KANK1: variants seen among roughly 807,000 people sequenced by gnomAD.
KANK1 encodes the protein KN motif and ankyrin repeat domain-containing protein 1.
A neutral mutation model predicts 106.2 loss-of-function variants in KANK1; 109 were observed. The ratio of observed to expected loss-of-function variants is 1.03; its 90% CI spans 0.88 to 1.20. The LOEUF is 1.20. Among genes scored for constraint, KANK1 ranks in the 50% most tolerant of loss-of-function variants. KANK1 has a pLI of 0.00. For missense variants in KANK1, 2,399 were observed against 1,710.7 expected, an observed-to-expected ratio of 1.40 and a Z score of -7.10; for synonymous variants, 873 against 652.2, an observed-to-expected ratio of 1.34 and a Z score of -5.16.
In KANK1 at chr9:703,500, A is replaced by T. The variant is rs1467859167; in HGVS notation, c.38-7304A>T. On this transcript the variant is annotated intron_variant, in intron 2 of 11. Coordinates refer to ENST00000382297, the MANE Select transcript of KANK1 (RefSeq NM_015158.5). ...AGAGGTGGTGCCAGGAGCAGTCTCC[A>T]CCACTGGATTTCCAGACATTCAAAA... is the stretch of plus-strand genomic sequence containing the variant. 2.6e-5 allele frequency among the ~76,000 whole-genome samples: 4 copies of T among 152,142 alleles called. No individual in the cohort carries two copies. In the East Asian group the frequency reaches 7.7e-4, roughly 29 times the overall value.
intron 1 of KANK1, among the ~76,000 whole-genome samples, chr9:508,560 G>A (rs1246014948): frequency 6.8e-6 from 1 of 146,244 alleles, no homozygotes; most frequent in Non-Finnish European, 1.5e-5. Flanking sequence ...CTATACTCTT[G>A]TCCAATCACT....
At chr9:713,578 A>C in intron 3 of KANK1, 114 bp downstream of exon 3, 1 of 1,124,656 alleles carries the variant, frequency 8.9e-7, no homozygotes, top group South Asian at 1.7e-5. Context: ...AAATGGAGAA[A>C]GTTTTAGAGT....
intron 1 of KANK1, among the ~76,000 whole-genome samples, chr9:661,535 T>C (rs576491348): frequency 2.8e-4 from 42 of 152,276 alleles, no homozygotes; most frequent in Middle Eastern, 3.4e-3. Context: ...TGATGGGCAT[T>C]TGGGTTGGTT....
Position 711,942 on chromosome 9 carries a change from C to G in KANK1, c.1176C>G (p.Leu392=). The G allele has an allele frequency of 6.2e-7, 1 of 1,614,164 alleles. No homozygotes were observed. ...GCAGCTGTGAGGCCTCCTCAGAGCT[C>G]AGGGAGAATGGAGAGTGCCGGTCTG... is the stretch of plus-strand genomic sequence containing the variant. The part of the protein sequence containing the change: ...QDSSCEASSE[L]RENGECRSVA... The change falls in exon 3 of 12, where the codon CTC becomes CTG. Residue 392 remains leucine (L), a synonymous_variant. Coordinates refer to ENST00000382297, the MANE Select transcript of KANK1 (RefSeq NM_015158.5).
intron 1 of KANK1, among the ~76,000 whole-genome samples, chr9:531,029 A>G (rs556603187): frequency 8.5e-5 from 13 of 152,294 alleles, no homozygotes; most frequent in South Asian, 4.1e-4. Flanking sequence ...ATGTAACTCA[A>G]AGAATGTTTA....
At chr9:636,154 T>A (rs746986011) in intron 1 of KANK1, among the ~76,000 whole-genome samples, 1 of 152,216 alleles carries the variant, frequency 6.6e-6, no homozygotes, top group African/African-American at 2.4e-5. Context: ...TCAGTTTCAG[T>A]TGGCCTGGGT....
chr9:653,633 G>T (rs368582723), intron 1 of KANK1, among the ~76,000 whole-genome samples: 84 of 152,250 alleles, frequency 5.5e-4, no homozygotes, highest in Non-Finnish European at 7.9e-4. Context: ...CAAGAGCCCT[G>T]TAAAGCCTGT....
At chr9:704,341 C>T (rs1165162108) in intron 2 of KANK1, among the ~76,000 whole-genome samples, 1 of 152,222 alleles carries the variant, frequency 6.6e-6, no homozygotes, top group African/African-American at 2.4e-5. Context: ...CATCGTTCCT[C>T]CACCCCTAGA....
At chr9:620,042 C>G (rs1832766261) in intron 1 of KANK1, among the ~76,000 whole-genome samples, 2 of 151,950 alleles carry the variant, frequency 1.3e-5, no homozygotes, top group African/African-American at 4.8e-5. Flanking sequence ...GAGGCTGAGG[C>G]AGGAGAATCG....
At chr9:550,677 C>T (rs1308624794) in intron 1 of KANK1, among the ~76,000 whole-genome samples, 1 of 152,178 alleles carries the variant, frequency 6.6e-6, no homozygotes, top group Non-Finnish European at 1.5e-5. Flanking sequence ...AATTCTCTCA[C>T]GTGCAAGGTA....
At chr9:689,761 G>A (rs1393520377) in intron 2 of KANK1, among the ~76,000 whole-genome samples, 2 of 152,116 alleles carry the variant, frequency 1.3e-5, no homozygotes, top group African/African-American at 4.8e-5. Flanking sequence ...GCACAATACA[G>A]TATTTGAACT....
intron 1 of KANK1, among the ~76,000 whole-genome samples, chr9:594,240 T>G (rs1825683322): frequency 6.6e-6 from 1 of 151,882 alleles, no homozygotes; most frequent in Non-Finnish European, 1.5e-5. Context: ...TTTTCTGCCT[T>G]TAATAAAATG....
chr9:593,321 A>G (rs1825434868), intron 1 of KANK1, among the ~76,000 whole-genome samples: 1 of 151,860 alleles, frequency 6.6e-6, no homozygotes, highest in Non-Finnish European at 1.5e-5. Context: ...AAACAATAAA[A>G]CATACAGACA....
At chr9:735,752 G>T in intron 7 of KANK1, 2 of 438,040 alleles carry the variant, frequency 4.6e-6, no homozygotes, top group Non-Finnish European at 9.5e-6. Context: ...CCAACACTTC[G>T]GGAGGCCGAT....
At chr9:681,152 G>C (rs1323469149) in intron 2 of KANK1, 1 of 152,406 alleles carries the variant, frequency 6.6e-6, no homozygotes, top group African/African-American at 2.4e-5. Context: ...CCAGTAGTCT[G>C]AGGCTGCAGT....
intron 3 of KANK1, among the ~76,000 whole-genome samples, chr9:483,720 G>A (rs1453419962): frequency 1.3e-5 from 2 of 152,196 alleles, no homozygotes; most frequent in Non-Finnish European, 2.9e-5. Flanking sequence ...ATGAGAAAAT[G>A]TATTCTCCTG....
chr9:525,409 C>T (rs1587505161), intron 1 of KANK1, among the ~76,000 whole-genome samples: 1 of 149,378 alleles, frequency 6.7e-6, no homozygotes, highest in African/African-American at 2.5e-5. Flanking sequence ...GAGTCTTGCT[C>T]TGTGGCCCAG....
At chr9:590,091 C>G (rs192847002) in intron 1 of KANK1, among the ~76,000 whole-genome samples, 4 of 152,132 alleles carry the variant, frequency 2.6e-5, no homozygotes, top group African/African-American at 7.2e-5. Context: ...TGCAATAACC[C>G]TCTTGTTTCC....
At chr9:648,586 C>T (rs796383047) in intron 1 of KANK1, among the ~76,000 whole-genome samples, 1 of 152,216 alleles carries the variant, frequency 6.6e-6, no homozygotes, top group South Asian at 2.1e-4. Context: ...ACATCATCAT[C>T]GTACTTGCAA....
Sources: gnomAD v4.1 joint callset for allele counts (sites outside exome capture counted in the v4.1 genomes callset) on GRCh38, gnomAD v4.1.1 for gene constraint, MANE v1.5 for transcripts, NCBI Gene and HGNC (gene_info 2026-07-23, HGNC 2026-07-21) for gene names.